The following MRPL21 variants were observed in gnomAD, a reference collection of about 807,000 sequenced individuals.
The protein encoded by MRPL21 is large ribosomal subunit protein bL21m.
Under a neutral mutation model 27.3 loss-of-function variants are expected in MRPL21, and 20 were observed. The ratio of observed to expected loss-of-function variants is 0.73; its 90% confidence interval spans 0.52 to 1.06. The LOEUF (loss-of-function observed/expected upper bound fraction) is 1.06, where lower values mean the gene tolerates loss of function less well. Ranked by LOEUF, MRPL21 falls within the 50% of genes least tolerant of loss-of-function variation. The probability of loss-of-function intolerance (pLI) is 0.00; values close to 1 mark genes in which losing one functional copy is unlikely to be tolerated. For missense variants in MRPL21, 249 were observed against 251.4 expected (o/e 0.99, Z 0.06); for synonymous variants, 98 against 101.5 (o/e 0.97, Z 0.21).
intron 6 of MRPL21, chr11:68,891,879 A>G: frequency 4.1e-6 from 2 of 482,718 alleles, no homozygotes; most frequent in Non-Finnish European, 7.2e-6. Flanking sequence ...AGAATTCTGC[A>G]GCCGCTCAGC....
At chr11:68,895,688 TGAGACAG>T (rs1450033882) in intron 4 of MRPL21, among the ~76,000 whole-genome samples, 6 of 152,180 alleles carry the variant, frequency 3.9e-5, no homozygotes, top group Non-Finnish European at 5.9e-5. Flanking sequence ...CAGTTTTTTT[TGAGACAG>T]GGTCTCGCTG....
Position 68,892,887 on chromosome 11 carries a change from T to TA in MRPL21, c.553+2dup. On this transcript the variant is annotated splice_region_variant and intron_variant, in intron 6 of 6. Coordinates refer to ENST00000362034, the MANE Select transcript of MRPL21 (RefSeq NM_181514.2). ...GGGCCCAGCGGTACTTTCTCTAACT[T>TA]ACTTCTTTTCTTCTTGAAGTTTTTC... The TA allele has an allele frequency of 1.9e-6, 3 of 1,610,846 alleles. No homozygotes were observed. The highest frequency in any genetic ancestry group is 2.5e-6 in the Non-Finnish European group (3 of 1,177,892).
At chr11:68,897,220 C>T (rs993614506) in intron 3 of MRPL21, among the ~76,000 whole-genome samples, 2 of 152,192 alleles carry the variant, frequency 1.3e-5, no homozygotes, top group African/African-American at 4.8e-5. Flanking sequence ...CCTGTTATCT[C>T]TGCTCTGACC....
intron 6 of MRPL21, chr11:68,891,896 G>T: frequency 2.0e-6 from 1 of 492,058 alleles, no homozygotes; most frequent in Non-Finnish European, 3.5e-6. Flanking sequence ...CAGCTATGTG[G>T]CCCATGCCCC....
At chr11:68,891,969 A>T in intron 6 of MRPL21, 1 of 774,386 alleles carries the variant, frequency 1.3e-6, no homozygotes, top group Non-Finnish European at 1.8e-6. Flanking sequence ...CTGCTAGGAC[A>T]GCCCTACACC....
At chr11:68,896,413 G>A in intron 4 of MRPL21, 102 bp downstream of exon 4, 1 of 1,423,898 alleles carries the variant, frequency 7.0e-7, no homozygotes, top group Non-Finnish European at 9.7e-7. Context: ...CTCCACCTGA[G>A]ACGGGGTCGG....
In MRPL21 at chr11:68,903,788, A is replaced by T. The variant is rs933595985; in HGVS notation, c.23T>A (p.Val8Asp). 5 of 1,599,590 alleles carry T rather than the reference A, an allele frequency of 3.1e-6. No individual in the cohort carries two copies. Among genetic ancestry groups the T allele is most frequent in the Non-Finnish European group, 1.7e-6 (2 of 1,170,980 alleles). MAASSLT[V>D]TLGRLASACS... The stretch of plus-strand genomic sequence containing the variant: ...CGCGGACGCCAGCCGCCCTAAGGTG[A>T]CCGTCAGGGAAGATGCTGCCATGGC... The change falls in exon 1 of 7, where the codon GTC (valine) becomes GAC (aspartate). Residue 8 changes from valine (V) to aspartate (D), a missense_variant. Physicochemically the swap from Val to Asp is radical, Grantham distance 152 (BLOSUM62 -3). Transcript: ENST00000362034.
chr11:68,896,596 C>T lies in MRPL21; in HGVS notation c.315G>A (p.Gln105=). Residue 105 remains glutamine, a synonymous_variant, in exon 4 of 7, where the codon CAG becomes CAA. Coordinates refer to ENST00000362034, the MANE Select transcript of MRPL21 (RefSeq NM_181514.2). ...TCAGGTCTTCAGAGGTCACCTTCCA[C>T]TGGCGGCTGGCAAAGTGCACCACGG... is the stretch of plus-strand genomic sequence containing the variant. The part of the protein sequence containing the change: ...LFAVVHFASR[Q]WKVTSEDLIL... The T allele has an allele frequency of 1.9e-6, 3 of 1,614,248 alleles. No homozygotes were observed. Among genetic ancestry groups the T allele is most frequent in the Non-Finnish European group, 2.5e-6 (3 of 1,180,040 alleles).
chr11:68,899,166 A>G (rs570642834), intron 2 of MRPL21, among the ~76,000 whole-genome samples: 3 of 152,280 alleles, frequency 2.0e-5, no homozygotes, highest in South Asian at 4.1e-4. Flanking sequence ...GGAGGAAAGA[A>G]AGAGGGGGGC....
At chr11:68,897,196 C>T (rs978343917) in intron 3 of MRPL21, among the ~76,000 whole-genome samples, 2 of 152,208 alleles carry the variant, frequency 1.3e-5, no homozygotes, top group Non-Finnish European at 2.9e-5. Context: ...CCCAGAGGGG[C>T]TCCGTGCTCA....
chr11:68,891,776 A>G (rs776113340), intron 6 of MRPL21: 5 of 482,680 alleles, frequency 1.0e-5, no homozygotes, highest in Non-Finnish European at 1.8e-5. Context: ...CTCTAAGGTG[A>G]CAGCCAATAC....
At chr11:68,894,215 T>C (rs1258205790) in intron 4 of MRPL21, among the ~76,000 whole-genome samples, 1 of 152,160 alleles carries the variant, frequency 6.6e-6, no homozygotes, top group Non-Finnish European at 1.5e-5. Flanking sequence ...CCATTCTCAA[T>C]GCCGGGAAAT....
chr11:68,899,359 T>A (rs531968694), intron 2 of MRPL21, among the ~76,000 whole-genome samples: 1 of 152,292 alleles, frequency 6.6e-6, no homozygotes, highest in Non-Finnish European at 1.5e-5. Flanking sequence ...TTGCTCCATA[T>A]GCAAAATGCA....
chr11:68,898,833 G>A (rs1359654041), intron 2 of MRPL21, among the ~76,000 whole-genome samples: 4 of 152,130 alleles, frequency 2.6e-5, no homozygotes, highest in Non-Finnish European at 5.9e-5. Flanking sequence ...TGTCACCCAG[G>A]CTAGAGTGCG....
rs371118102 is a variant in MRPL21, at chr11:68,898,010, T to C, written c.149A>G (p.Tyr50Cys). ...TGAACTCAGGGATGTTTTAGGAACA[T>C]ATCTGTAAAACACATTTCGTAGACA... ...NSQSTSYLPG[Y>C]VPKTSLSSPP... The change falls in exon 3 of 7, where the codon TAT (tyrosine) becomes TGT (cysteine). Residue 50 changes from tyrosine (Y) to cysteine (C), a missense_variant and splice_region_variant. Coordinates refer to ENST00000362034, the MANE Select transcript of MRPL21 (RefSeq NM_181514.2). 5.0e-6 allele frequency: 8 copies of C among 1,613,680 alleles called. No homozygotes were observed. The African/African-American group carries it at 8.0e-5, about 16-fold the overall frequency.
intron 4 of MRPL21, among the ~76,000 whole-genome samples, chr11:68,896,025 G>C (rs1015105279): frequency 1.3e-5 from 2 of 152,168 alleles, no homozygotes; most frequent in Non-Finnish European, 2.9e-5. Context: ...AGCACCCAGG[G>C]AAATGCCTGT....
rs763988227 is a variant in MRPL21, at chr11:68,893,425, G to A, written c.427C>T (p.Leu143=). The part of the protein sequence containing the change: ...VLLVGADNFT[L]LGKPLLGKDL... ...TACCCGAGGAGTGGCTTGCCAAGCA[G>A]CGTGAAGTTGTCTGCCCCAACCAGC... The change falls in exon 5 of 7, where the codon CTG becomes TTG. Residue 143 remains leucine, a synonymous_variant. Coordinates refer to ENST00000362034, the MANE Select transcript of MRPL21 (RefSeq NM_181514.2). 1 of 1,614,164 alleles carries A rather than the reference G, an allele frequency of 6.2e-7. No individual in the cohort carries two copies. The highest frequency in any genetic ancestry group is 1.1e-5 in the South Asian group (1 of 91,076).
intron 2 of MRPL21, 85 bp downstream of exon 2, chr11:68,900,463 C>T: frequency 8.1e-7 from 1 of 1,230,638 alleles, no homozygotes; most frequent in East Asian, 2.4e-5. Context: ...TTATTGAGAA[C>T]CAAAAGGTAG....
intron 1 of MRPL21, among the ~76,000 whole-genome samples, chr11:68,902,769 C>T (rs1183921694): frequency 6.6e-6 from 1 of 152,188 alleles, no homozygotes; most frequent in Non-Finnish European, 1.5e-5. Context: ...AATAGTTTCA[C>T]TGCCCTAAAA....
Sources: gnomAD v4.1 joint callset for allele counts (sites outside exome capture counted in the v4.1 genomes callset) on GRCh38, gnomAD v4.1.1 for gene constraint, MANE v1.5 for transcripts, NCBI Gene and HGNC (gene_info 2026-07-23, HGNC 2026-07-21) for gene names.